GALNTL6: variants seen among roughly 807,000 people sequenced by gnomAD.
The protein encoded by GALNTL6 is polypeptide N-acetylgalactosaminyltransferase like 6, also known as polypeptide N-acetylgalactosaminyltransferase-like 6.
Under a neutral mutation model 73.7 loss-of-function variants are expected in GALNTL6, and 46 were observed. That is an observed-to-expected ratio of 0.62 (90% CI 0.49 to 0.80). The LOEUF (loss-of-function observed/expected upper bound fraction) is 0.80. Among genes scored for constraint, GALNTL6 ranks in the 30% least tolerant of loss-of-function variants. The pLI is 0.00. For synonymous variants in GALNTL6, 259 were observed against 263.7 expected (o/e 0.98, Z 0.17); for missense variants, 604 against 755.0 (o/e 0.80, Z 2.34).
At chr4:172,027,994 G>C (rs76046846) in intron 2 of GALNTL6, among the ~76,000 whole-genome samples, 1,560 of 152,172 alleles carry the variant, frequency 0.01, 24 homozygotes, top group African/African-American at 0.034. Context: ...GGGAAGGGCT[G>C]ATGTAGAAGC....
At chr4:172,062,640 A>G (rs545970411) in intron 2 of GALNTL6, among the ~76,000 whole-genome samples, 1 of 152,338 alleles carries the variant, frequency 6.6e-6, no homozygotes, top group Admixed American at 6.5e-5. Context: ...CAGCATTCCA[A>G]AACACATTTC....
intron 2 of GALNTL6, among the ~76,000 whole-genome samples, chr4:172,216,091 A>C (rs1210791995): frequency 1.3e-5 from 2 of 152,174 alleles, no homozygotes; most frequent in Non-Finnish European, 2.9e-5. Context: ...ATTGAGAATA[A>C]GAAAAATGAA....
At chr4:171,982,455 G>A (rs956857713) in intron 2 of GALNTL6, among the ~76,000 whole-genome samples, 1 of 151,880 alleles carries the variant, frequency 6.6e-6, no homozygotes, top group Non-Finnish European at 1.5e-5. Flanking sequence ...CCGCCACCAC[G>A]CCCGGCTGAT....
intron 7 of GALNTL6, among the ~76,000 whole-genome samples, chr4:172,845,912 A>G (rs954962111): frequency 6.6e-6 from 1 of 152,242 alleles, no homozygotes; most frequent in African/African-American, 2.4e-5. Flanking sequence ...AAAGTTTTCC[A>G]AATAGTCATA....
chr4:172,962,416 G>C (rs1211201805), intron 10 of GALNTL6, among the ~76,000 whole-genome samples: 1 of 151,820 alleles, frequency 6.6e-6, no homozygotes, highest in African/African-American at 2.4e-5. Flanking sequence ...AGTTTTTTTT[G>C]CTAACGTCCT....
rs115180034 is a variant in GALNTL6, at chr4:172,318,389, C to A, written c.386+6637C>A. Among the ~76,000 whole-genome samples the A allele has an allele frequency of 2.0e-3, 306 of 152,224 alleles. 2 individuals are homozygous for A. The highest frequency in any genetic ancestry group is 6.3e-3 in the African/African-American group (260 of 41,542). ...TTAACCTTTTGGAGTGACTGACAGA[C>A]CATGAGGCTGGGTCTTTGAAAGGCT... is the stretch of plus-strand genomic sequence containing the variant. On this transcript the variant is annotated intron_variant, in intron 4 of 12. Coordinates refer to ENST00000506823, the MANE Select transcript of GALNTL6 (RefSeq NM_001034845.3).
Position 172,717,887 on chromosome 4 carries a change from G to T in GALNTL6, c.554-91474G>T, listed in dbSNP as rs779063078. On this transcript the variant is annotated intron_variant, in intron 5 of 12. Transcript: ENST00000506823. ...CAAAGTCTCCTTTCAGAGATTAAGG[G>T]TGTGTGTTTATGTGTGTCTATGTAT... Among the ~76,000 whole-genome samples the T allele has an allele frequency of 6.6e-5, 10 of 152,308 alleles. No individual in the cohort carries two copies. In the East Asian group the frequency reaches 1.7e-3, roughly 26 times the overall value.
chr4:171,862,480 T>A (rs1735857041), intron 2 of GALNTL6, among the ~76,000 whole-genome samples: 1 of 152,076 alleles, frequency 6.6e-6, no homozygotes, highest in Non-Finnish European at 1.5e-5. Flanking sequence ...TCTGAATATA[T>A]AAAACTGTTT....
chr4:172,530,890 T>G (rs1469784984), intron 5 of GALNTL6, among the ~76,000 whole-genome samples: 1 of 148,066 alleles, frequency 6.8e-6, no homozygotes, highest in African/African-American at 2.5e-5. Flanking sequence ...ATTATTCTGA[T>G]TGTAAACAAT....
chr4:172,987,078 C>T (rs577298024), intron 10 of GALNTL6, among the ~76,000 whole-genome samples: 35 of 152,058 alleles, frequency 2.3e-4, no homozygotes, highest in South Asian at 2.1e-3. Context: ...CTCCAGTCTC[C>T]GAATTTTATT....
intron 2 of GALNTL6, among the ~76,000 whole-genome samples, chr4:171,903,829 C>T (rs550917018): frequency 3.9e-5 from 6 of 152,188 alleles, no homozygotes; most frequent in African/African-American, 1.4e-4. Context: ...CAAGTGGGTC[C>T]CTGACCCCTG....
chr4:172,089,013 AAGAACAT>A, intron 2 of GALNTL6, among the ~76,000 whole-genome samples: 1 of 152,332 alleles, frequency 6.6e-6, no homozygotes, highest in South Asian at 2.1e-4. Flanking sequence ...AAAAGAAGAA[AAGAACAT>A]AGATTACACT....
chr4:171,879,135 G>A (rs1359400856), intron 2 of GALNTL6, among the ~76,000 whole-genome samples: 1 of 152,152 alleles, frequency 6.6e-6, no homozygotes, highest in African/African-American at 2.4e-5. Flanking sequence ...AGAATAGGAT[G>A]TGATTAACAA....
At chr4:172,824,111 A>G (rs1481656904) in intron 7 of GALNTL6, among the ~76,000 whole-genome samples, 1 of 152,214 alleles carries the variant, frequency 6.6e-6, no homozygotes, top group Non-Finnish European at 1.5e-5. Context: ...GGAGGGCATA[A>G]CAAGCCTGAA....
At chr4:172,335,018 T>A (rs1741262632) in intron 4 of GALNTL6, among the ~76,000 whole-genome samples, 1 of 151,764 alleles carries the variant, frequency 6.6e-6, no homozygotes, top group Non-Finnish European at 1.5e-5. Context: ...TCTCGCTCTG[T>A]CGCCCAGGCT....
At chr4:172,823,793 C>A (rs554512077) in intron 7 of GALNTL6, among the ~76,000 whole-genome samples, 1 of 152,078 alleles carries the variant, frequency 6.6e-6, no homozygotes, top group Admixed American at 6.6e-5. Context: ...TCCTGAAGTC[C>A]TTTACACCAT....
chr4:172,951,934 T>G, intron 9 of GALNTL6, 103 bp from the exon 10 acceptor site: 1 of 868,838 alleles, frequency 1.2e-6, no homozygotes, highest in Non-Finnish European at 1.8e-6. Context: ...TGCCTGAGGT[T>G]GCCGCTATCT....
intron 2 of GALNTL6, among the ~76,000 whole-genome samples, chr4:172,170,892 A>T (rs1270699374): frequency 1.3e-5 from 2 of 152,214 alleles, no homozygotes; most frequent in African/African-American, 2.4e-5. Flanking sequence ...CAGTTAAACT[A>T]TATTTTACAT....
chr4:172,579,958 T>C (rs1216569890), intron 5 of GALNTL6, among the ~76,000 whole-genome samples: 1 of 152,154 alleles, frequency 6.6e-6, no homozygotes, highest in Non-Finnish European at 1.5e-5. Context: ...CCTCTGAGAA[T>C]TTCTAACTCA....
Sources: gnomAD v4.1 joint callset for allele counts (sites outside exome capture counted in the v4.1 genomes callset) on GRCh38, gnomAD v4.1.1 for gene constraint, MANE v1.5 for transcripts, NCBI Gene and HGNC (gene_info 2026-07-23, HGNC 2026-07-21) for gene names.